The following LRRTM3 variants were observed in gnomAD, a reference collection of about 807,000 sequenced individuals.
The protein encoded by LRRTM3 is leucine-rich repeat transmembrane neuronal protein 3.
Under a neutral mutation model 44.7 loss-of-function variants are expected in LRRTM3, and 24 were observed. The ratio of observed to expected loss-of-function variants is 0.54; its 90% confidence interval spans 0.39 to 0.76. The LOEUF is 0.76. LRRTM3 is among the 30% of genes least tolerant of loss of function. The probability of loss-of-function intolerance (pLI) is 0.00; values close to 1 mark genes in which losing one functional copy is unlikely to be tolerated. For synonymous variants in LRRTM3, 277 were observed against 278.7 expected, an observed-to-expected ratio of 0.99 and a Z score of 0.06; for missense variants, 587 against 702.2, an observed-to-expected ratio of 0.84 and a Z score of 1.85.
At chr10:67,073,900 G>A (rs116011952) in intron 2 of LRRTM3, among the ~76,000 whole-genome samples, 2,355 of 152,254 alleles carry the variant, frequency 0.015, 47 homozygotes, top group African/African-American at 0.053. Flanking sequence ...CTTGGAAAAT[G>A]TTAAGTAACT....
At chr10:67,028,648 TA>T (rs35905009) in intron 2 of LRRTM3, among the ~76,000 whole-genome samples, 75,659 of 142,146 alleles carry the variant, frequency 0.53, 20,078 homozygotes, top group Middle Eastern at 0.67. Flanking sequence ...TAGTTCTACT[TA>T]AAAAAAAAAA....
At chr10:67,026,624 T>C (rs1408916412) in intron 2 of LRRTM3, among the ~76,000 whole-genome samples, 2 of 152,152 alleles carry the variant, frequency 1.3e-5, no homozygotes, top group African/African-American at 4.8e-5. Context: ...TGAACATTCA[T>C]ATTGAAGGAA....
At chr10:66,990,218 T>C (rs1343111217) in intron 2 of LRRTM3, among the ~76,000 whole-genome samples, 1 of 152,106 alleles carries the variant, frequency 6.6e-6, no homozygotes, top group Admixed American at 6.6e-5. Context: ...GCAAAAGTAA[T>C]GAGGTGGGGC....
At position 67,060,369 on chromosome 10, in the gene LRRTM3, C is replaced by T. The variant is rs181903990; in HGVS notation, c.1537-37218C>T. 4.2e-3 allele frequency among the ~76,000 whole-genome samples: 646 copies of T among 152,180 alleles called. 1 individual carries two copies. Among genetic ancestry groups the T allele is most frequent in the African/African-American group, 0.015 (607 of 41,506 alleles). ...ATGTATACAATTAATTGCCAAGTGA[C>T]TAAACAGAAGACAAGCGTATATGAA... On this transcript the variant is annotated intron_variant, in intron 2 of 2. Transcript: ENST00000361320.
At chr10:67,084,088 C>T (rs1173749082) in intron 2 of LRRTM3, among the ~76,000 whole-genome samples, 1 of 152,092 alleles carries the variant, frequency 6.6e-6, no homozygotes, top group African/African-American at 2.4e-5. Flanking sequence ...TATAAACAAG[C>T]ACAAAATATG....
chr10:67,067,235 ATATT>A (rs1856148345), intron 2 of LRRTM3, among the ~76,000 whole-genome samples: 1 of 152,190 alleles, frequency 6.6e-6, no homozygotes, highest in African/African-American at 2.4e-5. Flanking sequence ...GTATGTGTGT[ATATT>A]TATATATTTG....
At chr10:67,035,323 T>C (rs981658291) in intron 2 of LRRTM3, among the ~76,000 whole-genome samples, 2 of 152,220 alleles carry the variant, frequency 1.3e-5, no homozygotes, top group African/African-American at 2.4e-5. Flanking sequence ...ATATTTACTG[T>C]TGTCAAAATA....
At chr10:66,934,320 C>G (rs1847572316) in intron 2 of LRRTM3, among the ~76,000 whole-genome samples, 2 of 151,874 alleles carry the variant, frequency 1.3e-5, no homozygotes, top group South Asian at 4.1e-4. Context: ...CTCATTTATC[C>G]TTTCTCTCAC....
rs956568527 is a variant in LRRTM3, at chr10:67,100,574, A to T, written c.*2778A>T. ...CTCCCATTTCCTCCTTCTAACCCCCATTCCTATGTCTCCCTTCCTGTCTAT... is the reference window on the plus strand; with the variant it reads ...CTCCCATTTCCTCCTTCTAACCCCCTTTCCTATGTCTCCCTTCCTGTCTAT... On this transcript the variant is annotated 3_prime_UTR_variant, in exon 3 of 3. Coordinates refer to ENST00000361320, the MANE Select transcript of LRRTM3 (RefSeq NM_178011.5). 3.3e-5 allele frequency among the ~76,000 whole-genome samples: 5 copies of T among 151,516 alleles called. No individual in the cohort carries two copies. Among genetic ancestry groups the T allele is most frequent in the African/African-American group, 4.8e-5 (2 of 41,294 alleles).
rs1447031938 is a variant in LRRTM3 at position 66,928,253 on chromosome 10, C to G, written c.1337C>G (p.Pro446Arg). Residue 446 changes from proline (P) to arginine (R), a missense_variant, in exon 2 of 3, where the codon CCT becomes CGT. This residue lies in a region of LRRTM3 where 315 missense variants were observed against 335.6 expected (regional missense o/e 0.94). Transcript: ENST00000361320. ...ATCTACGTGTCATGGAAGCGGTACC[C>G]TGCGAGCATGAAGCAGCTGCAGCAG... ...LVIYVSWKRY[P>R]ASMKQLQQRS... is the part of the protein sequence containing the mutation. 1.9e-6 allele frequency: 3 copies of G among 1,614,174 alleles called. No homozygotes were observed. In the East Asian group the frequency reaches 6.7e-5, roughly 36 times the overall value.
chr10:67,079,716 C>T (rs994058596), intron 2 of LRRTM3, among the ~76,000 whole-genome samples: 4 of 151,920 alleles, frequency 2.6e-5, no homozygotes, highest in Non-Finnish European at 5.9e-5. Context: ...GGCGTGGTGG[C>T]GGGCACCTGT....
chr10:67,026,273 AAAAG>A (rs1853384469), intron 2 of LRRTM3, among the ~76,000 whole-genome samples: 1 of 152,120 alleles, frequency 6.6e-6, no homozygotes, highest in South Asian at 2.1e-4. Flanking sequence ...ATTAAGAAAA[AAAAG>A]AGAGAAAAAA....
chr10:66,978,960 C>CTT (rs34112681), intron 2 of LRRTM3, among the ~76,000 whole-genome samples: 982 of 83,698 alleles, frequency 0.012, no homozygotes, highest in African/African-American at 0.015. Flanking sequence ...TACTTATTTC[C>CTT]TTTTTTTTTT....
At position 66,997,607 on chromosome 10, in the gene LRRTM3, A is replaced by G. The variant is rs531829478; in HGVS notation, c.1536+69155A>G. On this transcript the variant is annotated intron_variant, in intron 2 of 2. Transcript: ENST00000361320. ...TCCTATACACTGTTTTCCTAAATTC[A>G]GGGTTCTGGATGTTCTTCCCCTCAT... Among the ~76,000 whole-genome samples the G allele has an allele frequency of 2.6e-5, 4 of 152,304 alleles. No individual in the cohort carries two copies. In the South Asian group the frequency reaches 8.3e-4, roughly 32 times the overall value.
At chr10:66,979,894 T>C (rs1187244990) in intron 2 of LRRTM3, among the ~76,000 whole-genome samples, 2 of 152,150 alleles carry the variant, frequency 1.3e-5, no homozygotes, top group African/African-American at 2.4e-5. Flanking sequence ...AAAAAGCCTG[T>C]TTTTGTATTT....
intron 2 of LRRTM3, among the ~76,000 whole-genome samples, chr10:67,056,777 G>C (rs1354963821): frequency 1.3e-5 from 2 of 152,166 alleles, no homozygotes; most frequent in Non-Finnish European, 2.9e-5. Context: ...ACTATGATAT[G>C]AATAAATCTG....
intron 2 of LRRTM3, among the ~76,000 whole-genome samples, chr10:67,040,401 C>T (rs1438732832): frequency 6.6e-6 from 1 of 151,982 alleles, no homozygotes; most frequent in Non-Finnish European, 1.5e-5. Flanking sequence ...ATAATGGGAG[C>T]CACTGCACAA....
At chr10:67,069,625 A>G (rs1348614077) in intron 2 of LRRTM3, among the ~76,000 whole-genome samples, 1 of 147,298 alleles carries the variant, frequency 6.8e-6, no homozygotes, top group East Asian at 2.0e-4. Flanking sequence ...ACCTAAATAC[A>G]TAGATTAGTT....
intron 2 of LRRTM3, among the ~76,000 whole-genome samples, chr10:66,980,565 T>TTCTGTTTCCCAAGCAA (rs1564809959): frequency 1.3e-5 from 2 of 152,084 alleles, no homozygotes; most frequent in Admixed American, 6.6e-5. Context: ...GAGACCTTCC[T>TTCTGTTTCCCAAGCAA]ACCCACCTGT....
Sources: gnomAD v4.1 joint callset for allele counts (sites outside exome capture counted in the v4.1 genomes callset) on GRCh38, gnomAD v4.1.1 for gene constraint, gnomAD v4.1.1 regional missense constraint, MANE v1.5 for transcripts, NCBI Gene and HGNC (gene_info 2026-07-23, HGNC 2026-07-21) for gene names.